CYP7B1: variants seen among roughly 807,000 people sequenced by gnomAD.
The protein encoded by CYP7B1 is cytochrome P450 7B1.
In CYP7B1, 29 loss-of-function variants were observed where a neutral mutation model predicts 42.7. That is an observed-to-expected ratio of 0.68 (90% CI 0.51 to 0.93). The LOEUF is 0.93. CYP7B1 is among the 40% of genes least tolerant of loss of function. The pLI is 0.00. For missense variants in CYP7B1, 655 were observed against 600.5 expected (o/e 1.09, Z -0.95); for synonymous variants, 235 against 218.2 (o/e 1.08, Z -0.68).
At chr8:64,764,229 G>GCTCCCCCCCCCCCCCCCCCCCCCC (rs1554539986) in intron 1 of CYP7B1, among the ~76,000 whole-genome samples, 1 of 125,150 alleles carries the variant, frequency 8.0e-6, no homozygotes, top group African/African-American at 3.1e-5. Context: ...CTTCCACGCT[G>GCTCCCCCCCCCCCCCCCCCCCCCC]CCCCCCCCAC....
At chr8:64,657,973 G>A (rs745772209) in intron 1 of CYP7B1, among the ~76,000 whole-genome samples, 2 of 152,150 alleles carry the variant, frequency 1.3e-5, no homozygotes, top group Non-Finnish European at 2.9e-5. Context: ...GGCAGATCAA[G>A]GCATCGTGTA....
At chr8:64,639,386 A>G (rs1805821089) in intron 1 of CYP7B1, among the ~76,000 whole-genome samples, 1 of 152,092 alleles carries the variant, frequency 6.6e-6, no homozygotes, top group Non-Finnish European at 1.5e-5. Flanking sequence ...CCTAAAACTT[A>G]GGGGTGAACA....
rs1205520877 is a variant in CYP7B1 at position 64,591,921 on chromosome 8, C to T, written c.*4721G>A. Among the ~76,000 whole-genome samples the T allele has an allele frequency of 6.6e-6, 1 of 152,098 alleles. No homozygotes were observed. Among genetic ancestry groups the T allele is most frequent in the African/African-American group, 2.4e-5 (1 of 41,400 alleles). On this transcript the variant is annotated 3_prime_UTR_variant, in exon 6 of 6. Coordinates refer to ENST00000310193, the MANE Select transcript of CYP7B1 (RefSeq NM_004820.5). ...GAAAAGATGGGGGCGGGCACGGTGG[C>T]TCATGTCTGCAACCCCAGCACTTAG...
chr8:64,789,598 A>G (rs997906453), intron 1 of CYP7B1, among the ~76,000 whole-genome samples: 6 of 152,212 alleles, frequency 3.9e-5, no homozygotes, highest in African/African-American at 1.4e-4. Flanking sequence ...ATATTTGACA[A>G]TATCTGAGGA....
At chr8:64,670,099 AG>A (rs1806342620) in intron 1 of CYP7B1, among the ~76,000 whole-genome samples, 1 of 152,234 alleles carries the variant, frequency 6.6e-6, no homozygotes, top group Non-Finnish European at 1.5e-5. Context: ...CCCTAGTGGC[AG>A]AACTCAGAGA....
At chr8:64,761,489 T>C (rs1207362271) in intron 1 of CYP7B1, among the ~76,000 whole-genome samples, 4 of 152,126 alleles carry the variant, frequency 2.6e-5, no homozygotes, top group Non-Finnish European at 5.9e-5. Context: ...TCAATAAAGC[T>C]TGGGGGGAGG....
chr8:64,770,991 C>T (rs1226066959), intron 1 of CYP7B1, among the ~76,000 whole-genome samples: 1 of 137,864 alleles, frequency 7.3e-6, no homozygotes, highest in Non-Finnish European at 1.5e-5. Context: ...GTTTTGAAAA[C>T]AACTTCCTCA....
intron 1 of CYP7B1, among the ~76,000 whole-genome samples, chr8:64,705,517 CA>C (rs199664304): frequency 0.012 from 1,647 of 134,918 alleles, 22 homozygotes; most frequent in African/African-American, 0.039. Context: ...AAGTCCATGC[CA>C]AAAAAAAAAA....
intron 1 of CYP7B1, among the ~76,000 whole-genome samples, chr8:64,710,632 A>G (rs1474407852): frequency 1.3e-5 from 2 of 152,202 alleles, no homozygotes; most frequent in African/African-American, 4.8e-5. Flanking sequence ...TTTTAGATTC[A>G]GAAACCTCCT....
At chr8:64,719,329 C>T (rs1018155862) in intron 1 of CYP7B1, among the ~76,000 whole-genome samples, 7 of 152,166 alleles carry the variant, frequency 4.6e-5, no homozygotes, top group African/African-American at 1.7e-4. Flanking sequence ...CCTTAAACTA[C>T]ACTTTCATGA....
chr8:64,660,483 G>T (rs1481283996), intron 1 of CYP7B1, among the ~76,000 whole-genome samples: 1 of 152,144 alleles, frequency 6.6e-6, no homozygotes, highest in Non-Finnish European at 1.5e-5. Flanking sequence ...TCACTTGAAG[G>T]CTTGACAGAG....
chr8:64,729,922 A>G (rs189167302), intron 1 of CYP7B1, among the ~76,000 whole-genome samples: 2 of 152,262 alleles, frequency 1.3e-5, no homozygotes, highest in Admixed American at 1.3e-4. Context: ...CACCTTCACT[A>G]AGTTCCTCTG....
chr8:64,682,420 G>A (rs939145300), intron 1 of CYP7B1, among the ~76,000 whole-genome samples: 1 of 152,192 alleles, frequency 6.6e-6, no homozygotes, highest in Admixed American at 6.5e-5. Flanking sequence ...TTTACTGCAA[G>A]GGATACATAG....
At chr8:64,732,900 C>T (rs1807434477) in intron 1 of CYP7B1, 1 of 152,616 alleles carries the variant, frequency 6.6e-6, no homozygotes, top group African/African-American at 2.4e-5. Flanking sequence ...CTTCCCCTTC[C>T]ACCATGATTG....
In CYP7B1 at chr8:64,596,426, A is replaced by C; in HGVS notation, c.*216T>G. ...ACAACCCTGTTTTGAGCCTACCCTT[A>C]AGTTGATTTTGATGTCCATTTTCCT... On this transcript the variant is annotated 3_prime_UTR_variant, in exon 6 of 6. Transcript: ENST00000310193. 1 of 500,810 alleles carries C rather than the reference A, an allele frequency of 2.0e-6. No individual in the cohort carries two copies. Among genetic ancestry groups the C allele is most frequent in the Non-Finnish European group, 3.5e-6 (1 of 283,962 alleles). 31.0% of individuals were successfully genotyped at this position (500,810 alleles called of 1,614,324 possible).
chr8:64,737,078 T>C (rs1045457966), intron 1 of CYP7B1, among the ~76,000 whole-genome samples: 2 of 152,160 alleles, frequency 1.3e-5, no homozygotes, highest in Admixed American at 1.3e-4. Flanking sequence ...ATGAAAAATA[T>C]CCTAAATCAG....
intron 1 of CYP7B1, among the ~76,000 whole-genome samples, chr8:64,666,559 G>A (rs190315862): frequency 2.6e-5 from 4 of 152,250 alleles, no homozygotes; most frequent in Admixed American, 2.0e-4. Context: ...TCCAGGTGGG[G>A]TGGACAAGTG....
chr8:64,672,737 A>G (rs1454518096), intron 1 of CYP7B1, among the ~76,000 whole-genome samples: 2 of 152,132 alleles, frequency 1.3e-5, no homozygotes, highest in Non-Finnish European at 2.9e-5. Flanking sequence ...ATGACTCCCA[A>G]GGAACGCTGA....
intron 1 of CYP7B1, among the ~76,000 whole-genome samples, chr8:64,735,044 G>A (rs925106057): frequency 6.6e-6 from 1 of 152,134 alleles, no homozygotes; most frequent in Non-Finnish European, 1.5e-5. Context: ...GAGCTAAGGA[G>A]GTGGACCATG....
Sources: allele counts gnomAD v4.1 joint callset (sites outside exome capture counted in the v4.1 genomes callset), GRCh38; gene constraint gnomAD v4.1.1; transcripts MANE v1.5; gene names NCBI Gene and HGNC (gene_info 2026-07-23, HGNC 2026-07-21).